Variants in IL36B observed in about 807,000 individuals in gnomAD.
The protein encoded by IL36B is interleukin 36 beta, also known as interleukin-36 beta.
Under a neutral mutation model 19.3 loss-of-function variants are expected in IL36B, and 23 were observed. The ratio of observed to expected loss-of-function variants is 1.19; its 90% CI spans 0.86 to 1.69. The LOEUF (loss-of-function observed/expected upper bound fraction) is 1.69. Among genes scored for constraint, IL36B ranks in the 40% most tolerant of loss-of-function variants. The pLI, the probability that IL36B is intolerant of heterozygous loss-of-function variation, is 0.00. For missense variants in IL36B, 217 were observed against 200.5 expected (o/e 1.08, Z -0.50); for synonymous variants, 59 against 59.7 (o/e 0.99, Z 0.05).
chr2:113,036,349 C>T (rs143995028), intron 1 of IL36B, among the ~76,000 whole-genome samples: 1 of 149,442 alleles, frequency 6.7e-6, no homozygotes, highest in East Asian at 2.0e-4. Context: ...TCTGAAAACA[C>T]CTTGCTTTTT....
intron 1 of IL36B, among the ~76,000 whole-genome samples, chr2:113,038,648 A>G (rs1207199888): frequency 1.3e-5 from 2 of 152,178 alleles, no homozygotes; most frequent in Admixed American, 6.5e-5. Flanking sequence ...TGGTTAATGT[A>G]GGGGCAGATA....
intron 4 of IL36B, among the ~76,000 whole-genome samples, chr2:113,027,013 G>A (rs984558347): frequency 6.6e-6 from 1 of 152,156 alleles, no homozygotes; most frequent in African/African-American, 2.4e-5. Flanking sequence ...TTGACCAGAA[G>A]CCTTGCCAAT....
At chr2:113,035,515 A>T (rs908512134) in intron 1 of IL36B, among the ~76,000 whole-genome samples, 2 of 152,198 alleles carry the variant, frequency 1.3e-5, no homozygotes, top group Non-Finnish European at 2.9e-5. Context: ...AAAAAAAATA[A>T]TAATAGCAAC....
intron 1 of IL36B, among the ~76,000 whole-genome samples, chr2:113,042,468 T>C (rs1438260813): frequency 6.6e-6 from 1 of 152,230 alleles, no homozygotes; most frequent in Non-Finnish European, 1.5e-5. Flanking sequence ...TCATGTCTCC[T>C]GGAATCTGTC....
At chr2:113,039,042 A>C (rs1206576282) in intron 1 of IL36B, among the ~76,000 whole-genome samples, 1 of 152,180 alleles carries the variant, frequency 6.6e-6, no homozygotes, top group Non-Finnish European at 1.5e-5. Context: ...AGTTTAAGGG[A>C]TGAGAAGGAA....
chr2:113,033,699 C>G (rs959550264), intron 1 of IL36B, among the ~76,000 whole-genome samples: 5 of 152,106 alleles, frequency 3.3e-5, no homozygotes, highest in Non-Finnish European at 7.3e-5. Context: ...ACATGCCTCC[C>G]CTGGGTCATA....
At chr2:113,027,499 G>A (rs1684985358) in intron 4 of IL36B, 1 of 1,023,354 alleles carries the variant, frequency 9.8e-7, no homozygotes, top group Non-Finnish European at 1.2e-6. Context: ...TTATCTTTGG[G>A]GCACATATTA....
intron 1 of IL36B, among the ~76,000 whole-genome samples, chr2:113,052,441 T>G (rs1477578707): frequency 6.6e-6 from 1 of 152,232 alleles, no homozygotes; most frequent in Non-Finnish European, 1.5e-5. Context: ...GGTCCATCTC[T>G]TACTAGTTTT....
rs35734363 is a variant in IL36B, at chr2:113,041,004, G to T, written c.-57-9238C>A. ...CACCCTGTCTCTAAAAAAACACAAAGATTAGTGGGGCATGGTGGCTTGCGC... is the reference window on the plus strand; with the variant it reads ...CACCCTGTCTCTAAAAAAACACAAATATTAGTGGGGCATGGTGGCTTGCGC... On this transcript the variant is annotated intron_variant, in intron 1 of 5. Coordinates refer to ENST00000259213, the MANE Select transcript of IL36B (RefSeq NM_014438.5). Among the ~76,000 whole-genome samples, 1,041 of 152,188 alleles carry T rather than the reference G, an allele frequency of 6.8e-3. 15 individuals carry two copies. Among genetic ancestry groups the T allele is most frequent in the African/African-American group, 0.024 (998 of 41,536 alleles).
At chr2:113,023,072 T>C (rs1005658388) in intron 5 of IL36B, among the ~76,000 whole-genome samples, 1 of 152,156 alleles carries the variant, frequency 6.6e-6, no homozygotes, top group African/African-American at 2.4e-5. Flanking sequence ...GTAACAATAA[T>C]AAAGGCACTG....
At chr2:113,040,015 G>A (rs1238638641) in intron 1 of IL36B, among the ~76,000 whole-genome samples, 2 of 152,222 alleles carry the variant, frequency 1.3e-5, no homozygotes, top group African/African-American at 4.8e-5. Context: ...AAGTTGCACA[G>A]TGTAGAAAAT....
intron 1 of IL36B, among the ~76,000 whole-genome samples, chr2:113,046,312 C>T (rs994598836): frequency 6.6e-6 from 1 of 151,048 alleles, no homozygotes; most frequent in Non-Finnish European, 1.5e-5. Context: ...CGGGTTCATG[C>T]CATTCTCCTG....
intron 1 of IL36B, among the ~76,000 whole-genome samples, chr2:113,052,483 T>C (rs1250391470): frequency 1.3e-5 from 2 of 152,226 alleles, no homozygotes; most frequent in African/African-American, 4.8e-5. Flanking sequence ...TCTCTAATTT[T>C]CGTTTTGTCT....
intron 4 of IL36B, chr2:113,026,372 A>C (rs1684962492): frequency 3.0e-6 from 4 of 1,354,130 alleles, no homozygotes; most frequent in Admixed American, 4.9e-5. Context: ...TCCCAAAGAG[A>C]ATGCGGGGCA....
rs1223616528 is a variant in IL36B at position 113,022,161 on chromosome 2, A to G, written c.*513T>C. The G allele has an allele frequency of 6.6e-6, 1 of 152,276 alleles. No homozygotes were observed. The highest frequency in any genetic ancestry group is 6.5e-5 in the Admixed American group (1 of 15,290). The allele number at this position is 152,276 out of a possible 1,614,324, so 9.4% of individuals were successfully genotyped here. On this transcript the variant is annotated 3_prime_UTR_variant, in exon 6 of 6. Coordinates refer to ENST00000259213, the MANE Select transcript of IL36B (RefSeq NM_014438.5). ...TTTTAAGAAGAAATGTCTTTCAATTACTTTTAATTGTATGTGTTCCTTTTA... is the reference window on the plus strand; with the variant it reads ...TTTTAAGAAGAAATGTCTTTCAATTGCTTTTAATTGTATGTGTTCCTTTTA...
intron 1 of IL36B, among the ~76,000 whole-genome samples, chr2:113,040,439 G>A (rs7567108): frequency 0.75 from 114,770 of 152,138 alleles, 43,749 homozygotes; most frequent in East Asian, 0.94. Context: ...ACAAGAAATA[G>A]AAATCAGAAA....
intron 1 of IL36B, among the ~76,000 whole-genome samples, chr2:113,033,817 T>C (rs1311021306): frequency 1.3e-5 from 2 of 152,216 alleles, no homozygotes; most frequent in African/African-American, 2.4e-5. Flanking sequence ...GGAGGTCTTG[T>C]GGCTTTCTAA....
At chr2:113,051,002 C>T (rs1685434374) in intron 1 of IL36B, among the ~76,000 whole-genome samples, 1 of 151,130 alleles carries the variant, frequency 6.6e-6, no homozygotes, top group African/African-American at 2.4e-5. Flanking sequence ...AGCCTGGCCT[C>T]CTGATCCTTG....
intron 1 of IL36B, among the ~76,000 whole-genome samples, chr2:113,049,425 T>C (rs924935458): frequency 1.3e-5 from 2 of 152,048 alleles, no homozygotes; most frequent in African/African-American, 4.8e-5. Flanking sequence ...TATATAGAAC[T>C]CCTGTAACTC....
Sources: gnomAD v4.1 joint callset for allele counts (sites outside exome capture counted in the v4.1 genomes callset) on GRCh38, gnomAD v4.1.1 for gene constraint, MANE v1.5 for transcripts, NCBI Gene and HGNC (gene_info 2026-07-23, HGNC 2026-07-21) for gene names.